The following MAGI1 variants were observed in gnomAD, a reference collection of about 807,000 sequenced individuals.
MAGI1 encodes the protein membrane-associated guanylate kinase, WW and PDZ domain-containing protein 1.
A neutral mutation model predicts 139.9 loss-of-function variants in MAGI1; 58 were observed. The ratio of observed to expected loss-of-function variants is 0.41; its 90% CI spans 0.34 to 0.52. The LOEUF is 0.52. Among genes scored for constraint, MAGI1 ranks in the 20% least tolerant of loss-of-function variants. The probability of loss-of-function intolerance (pLI) is 0.12; values close to 1 mark genes in which losing one functional copy is unlikely to be tolerated. For synonymous variants in MAGI1, 812 were observed against 737.9 expected, an observed-to-expected ratio of 1.10 and a Z score of -1.63; for missense variants, 1,874 against 1,901.6, an observed-to-expected ratio of 0.99 and a Z score of 0.27.
chr3:65,760,566 C>G (rs2036934782), intron 1 of MAGI1, among the ~76,000 whole-genome samples: 1 of 151,996 alleles, frequency 6.6e-6, no homozygotes, highest in South Asian at 2.1e-4. Context: ...CACCACTACG[C>G]CCAACTAATT....
At chr3:65,970,153 T>G (rs2064952612) in intron 1 of MAGI1, among the ~76,000 whole-genome samples, 1 of 152,172 alleles carries the variant, frequency 6.6e-6, no homozygotes, top group African/African-American at 2.4e-5. Flanking sequence ...GAATATTTAT[T>G]AAGCTCTAAA....
Position 65,878,115 on chromosome 3 carries a change from A to G in MAGI1, c.313+159881T>C, listed in dbSNP as rs540255588. ...GACAGAGTGAGGTTCTGTCTCAAAA[A>G]AAAAAGGAAAAAAAACACAGGAACA... On this transcript the variant is annotated intron_variant, in intron 1 of 22. Transcript: ENST00000402939. 8.5e-5 allele frequency among the ~76,000 whole-genome samples: 13 copies of G among 152,166 alleles called. No individual in the cohort carries two copies. The South Asian group carries it at 2.7e-3, about 32-fold the overall frequency.
At chr3:65,784,299 T>C (rs1194929465) in intron 1 of MAGI1, among the ~76,000 whole-genome samples, 2 of 152,146 alleles carry the variant, frequency 1.3e-5, no homozygotes, top group African/African-American at 4.8e-5. Context: ...TAGGTATGCA[T>C]ACAAGAGAAA....
At chr3:65,695,244 G>C (rs2089052724) in intron 1 of MAGI1, among the ~76,000 whole-genome samples, 1 of 152,202 alleles carries the variant, frequency 6.6e-6, no homozygotes, top group African/African-American at 2.4e-5. Flanking sequence ...CAGGATAAAA[G>C]ATGTATTTTA....
chr3:65,478,455 C>T, intron 4 of MAGI1, 137 bp downstream of exon 4: 2 of 754,936 alleles, frequency 2.6e-6, no homozygotes, highest in South Asian at 3.2e-5. Flanking sequence ...TCTGCAAGCA[C>T]TGTGTGGTCC....
rs145931859 is a variant in MAGI1 at position 65,809,806 on chromosome 3, A to G, written c.314-187718T>C. On this transcript the variant is annotated intron_variant, in intron 1 of 22. Coordinates refer to ENST00000402939, the MANE Select transcript of MAGI1 (RefSeq NM_001033057.2). Reference sequence around the variant, plus strand: ...TCCATTCCGTTTTGTCTTGCACAGAAATTAATGACTCCTGTCCAGTTCCTC... The same window carrying G: ...TCCATTCCGTTTTGTCTTGCACAGAGATTAATGACTCCTGTCCAGTTCCTC... Among the ~76,000 whole-genome samples, 1,287 of 152,224 alleles carry G rather than the reference A, an allele frequency of 8.5e-3. 15 individuals carry two copies. Among genetic ancestry groups the G allele is most frequent in the African/African-American group, 0.022 (931 of 41,528 alleles).
chr3:65,359,808 A>C (rs1302348998), intron 22 of MAGI1: 1 of 985,624 alleles, frequency 1.0e-6, no homozygotes, highest in Non-Finnish European at 1.2e-6. Flanking sequence ...TTTCATCCTC[A>C]GTGCAACAGA....
chr3:65,534,129 T>G (rs1231403663), intron 2 of MAGI1, among the ~76,000 whole-genome samples: 1 of 152,042 alleles, frequency 6.6e-6, no homozygotes, highest in Non-Finnish European at 1.5e-5. Context: ...GAATAAATGT[T>G]TGTTGTATGT....
At chr3:65,960,231 T>G (rs1051390882) in intron 1 of MAGI1, among the ~76,000 whole-genome samples, 3 of 152,184 alleles carry the variant, frequency 2.0e-5, no homozygotes, top group Admixed American at 2.0e-4. Flanking sequence ...TTTTAGCCAG[T>G]CAAACTGATT....
rs149746487 is a variant in MAGI1, at chr3:65,750,619, C to A, written c.314-128531G>T. On this transcript the variant is annotated intron_variant, in intron 1 of 22. Coordinates refer to ENST00000402939, the MANE Select transcript of MAGI1 (RefSeq NM_001033057.2). ...AATTTTGCTGTGTAAATCAGAAGTT[C>A]TCCAAAGCAGTCAACGAATAGCCTA... Among the ~76,000 whole-genome samples, 673 of 152,328 alleles carry A rather than the reference C, an allele frequency of 4.4e-3. 5 individuals are homozygous for A. Among genetic ancestry groups the A allele is most frequent in the African/African-American group, 0.016 (645 of 41,570 alleles).
intron 2 of MAGI1, among the ~76,000 whole-genome samples, chr3:65,611,109 T>TTATATACGTATA (rs1339623406): frequency 3.6e-5 from 5 of 138,816 alleles, no homozygotes; most frequent in Non-Finnish European, 7.6e-5. Flanking sequence ...ATATAGTATA[T>TTATATACGTATA]TATATACGTA....
intron 2 of MAGI1, among the ~76,000 whole-genome samples, chr3:65,608,707 T>C (rs1434406480): frequency 1.3e-5 from 2 of 152,162 alleles, no homozygotes; most frequent in Non-Finnish European, 2.9e-5. Flanking sequence ...TTGGTATAAC[T>C]ACTTTGGAAA....
intron 12 of MAGI1, among the ~76,000 whole-genome samples, chr3:65,413,016 A>T (rs1945910410): frequency 6.6e-6 from 1 of 152,148 alleles, no homozygotes; most frequent in South Asian, 2.1e-4. Flanking sequence ...GCAAACTTTT[A>T]TTACAGCACT....
In MAGI1 at chr3:65,356,432, G is replaced by C; in HGVS notation, c.4335C>G (p.Pro1445=). 6.2e-7 allele frequency: 1 copy of C among 1,610,038 alleles called. No homozygotes were observed. The highest frequency in any genetic ancestry group is 1.7e-4 in the Middle Eastern group (1 of 6,044). Residue 1445 remains proline (P), a synonymous_variant, in exon 23 of 23, where the codon CCC becomes CCG. Coordinates refer to ENST00000402939, the MANE Select transcript of MAGI1 (RefSeq NM_001033057.2). ...KQDAGRSSRH[P]PEQRRRPYKE... ...TGTAAGGTCGCCTTCTCTGCTCCGG[G>C]GGATGTCTGGAACTTCTGCCGGCAT...
intron 1 of MAGI1, among the ~76,000 whole-genome samples, chr3:65,761,685 C>T (rs956091946): frequency 3.3e-5 from 5 of 152,082 alleles, no homozygotes; most frequent in African/African-American, 9.7e-5. Flanking sequence ...ATTAACCAGC[C>T]GAGAATGAAC....
chr3:65,947,089 G>T (rs1370847486), intron 1 of MAGI1, among the ~76,000 whole-genome samples: 2 of 152,104 alleles, frequency 1.3e-5, no homozygotes, highest in Admixed American at 6.5e-5. Context: ...TTTAGACACT[G>T]AATAACTTAT....
intron 2 of MAGI1, among the ~76,000 whole-genome samples, chr3:65,497,897 C>CGGGCAA (rs2107686553): frequency 6.6e-6 from 1 of 152,210 alleles, no homozygotes; most frequent in Non-Finnish European, 1.5e-5. Flanking sequence ...AGTGGGAAGG[C>CGGGCAA]GGGCAAGTCT....
intron 1 of MAGI1, among the ~76,000 whole-genome samples, chr3:65,844,665 G>A (rs905914873): frequency 4.6e-5 from 7 of 152,086 alleles, no homozygotes; most frequent in Non-Finnish European, 1.0e-4. Flanking sequence ...AGGAACAGGG[G>A]TCCAGAGAAG....
chr3:65,820,275 G>A (rs545858763), intron 1 of MAGI1, among the ~76,000 whole-genome samples: 3 of 152,258 alleles, frequency 2.0e-5, no homozygotes, highest in Admixed American at 6.5e-5. Context: ...GATCCTCAGA[G>A]AGGAGACCCT....
Sources: allele counts gnomAD v4.1 joint callset (sites outside exome capture counted in the v4.1 genomes callset), GRCh38; gene constraint gnomAD v4.1.1; transcripts MANE v1.5; gene names NCBI Gene and HGNC (gene_info 2026-07-23, HGNC 2026-07-21).